The following MAP3K15 variants were observed in gnomAD, a reference collection of about 807,000 sequenced individuals.
The protein encoded by MAP3K15 is mitogen-activated protein kinase kinase kinase 15.
MAP3K15 carries 124 observed loss-of-function variants against 99.5 expected under a neutral mutation model. The observed-to-expected ratio is 1.25, with a 90% CI of 1.08 to 1.45. MAP3K15 has a LOEUF of 1.45. Among genes scored for constraint, MAP3K15 ranks in the 40% most tolerant of loss-of-function variants. The pLI, the probability that MAP3K15 is intolerant of heterozygous loss-of-function variation, is 0.00. For synonymous variants in MAP3K15, 494 were observed against 439.6 expected (o/e 1.12, Z -1.55); for missense variants, 1,242 against 1,079.7 (o/e 1.15, Z -2.11).
chrX:19,368,848 T>C (rs775023024), intron 25 of MAP3K15, among the ~76,000 whole-genome samples: 1 of 110,155 alleles, frequency 9.1e-6, no homozygotes, highest in East Asian at 2.8e-4. Flanking sequence ...TGAGTTTTTT[T>C]TTTTTTTTTT....
chrX:19,373,252 G>A (rs1205544185), intron 21 of MAP3K15: 1 of 287,558 alleles, frequency 3.5e-6, no homozygotes, highest in Non-Finnish European at 5.9e-6. Context: ...AGAGGGGGAA[G>A]AGGAGAGAGG....
chrX:19,381,786 C>T (rs1320823113), intron 18 of MAP3K15, among the ~76,000 whole-genome samples: 4 of 111,757 alleles, frequency 3.6e-5, no homozygotes, highest in Non-Finnish European at 7.5e-5. Flanking sequence ...TCAGCCTGTG[C>T]AAAGGGGACG....
chrX:19,393,676 G>A (rs1326300991), intron 16 of MAP3K15, among the ~76,000 whole-genome samples: 1 of 105,709 alleles, frequency 9.5e-6, no homozygotes, highest in African/African-American at 3.4e-5. Context: ...CGAGTTTTCT[G>A]ATAGACTATG....
At chrX:19,493,402 C>T (rs1354209157) in intron 1 of MAP3K15, among the ~76,000 whole-genome samples, 1 of 109,675 alleles carries the variant, frequency 9.1e-6, no homozygotes, top group Non-Finnish European at 1.9e-5. Flanking sequence ...AAAACTGCCT[C>T]GAATCTAAAG....
chrX:19,424,628 C>A (rs1292244007), intron 9 of MAP3K15, among the ~76,000 whole-genome samples: 2 of 110,366 alleles, frequency 1.8e-5, no homozygotes, highest in Non-Finnish European at 3.8e-5. Context: ...GCCCAGCAAT[C>A]TGTGTTTTCT....
chrX:19,388,270 T>C (rs1362010673), intron 18 of MAP3K15, among the ~76,000 whole-genome samples: 1 of 112,172 alleles, frequency 8.9e-6, no homozygotes, highest in Non-Finnish European at 1.9e-5. Context: ...CCTTTTTAAT[T>C]CCTGAATTCA....
rs1197584402 is a variant in MAP3K15 at position 19,419,023 on chromosome X, G to C, written c.1440-3766C>G. Among the ~76,000 whole-genome samples the C allele has an allele frequency of 9.8e-5, 11 of 111,805 alleles. No homozygotes were observed. The South Asian group carries it at 1.1e-3, about 11-fold the overall frequency. On this transcript the variant is annotated intron_variant, in intron 9 of 28. Coordinates refer to ENST00000338883, the MANE Select transcript of MAP3K15 (RefSeq NM_001001671.4). Reference sequence around the variant, plus strand: ...TCTCACCACCAGGCCTGCCCTAAAAGAGCTCCTGAAGGAAGCACTAAACAT... The same window carrying C: ...TCTCACCACCAGGCCTGCCCTAAAACAGCTCCTGAAGGAAGCACTAAACAT...
At chrX:19,465,323 G>A (rs959063217) in intron 3 of MAP3K15, among the ~76,000 whole-genome samples, 3 of 111,845 alleles carry the variant, frequency 2.7e-5, no homozygotes, top group Non-Finnish European at 3.8e-5. Flanking sequence ...TGTTGTCTTA[G>A]ACAAAGCTTC....
intron 26 of MAP3K15, chrX:19,361,821 C>T: frequency 3.1e-6 from 1 of 324,231 alleles, no homozygotes; most frequent in East Asian, 5.6e-5. Flanking sequence ...TGGAATTTGA[C>T]ATGTTAGGTC....
chrX:19,468,845 T>G (rs915436042), intron 3 of MAP3K15, among the ~76,000 whole-genome samples: 3 of 111,448 alleles, frequency 2.7e-5, no homozygotes, highest in African/African-American at 9.8e-5. Context: ...CCCTTGTAAG[T>G]TGGATTCCTA....
chrX:19,398,760 G>A (rs1331488573), intron 14 of MAP3K15, among the ~76,000 whole-genome samples: 1 of 111,609 alleles, frequency 9.0e-6, no homozygotes, highest in East Asian at 2.8e-4. Flanking sequence ...AACCCAGAAA[G>A]GAATTGAAGG....
At chrX:19,433,780 C>CA (rs2063901770) in intron 6 of MAP3K15, among the ~76,000 whole-genome samples, 1 of 111,934 alleles carries the variant, frequency 8.9e-6, no homozygotes, top group African/African-American at 3.2e-5. Context: ...CCAACGATTC[C>CA]ACTTCTAGAA....
chrX:19,380,817 G>A (rs1407901878), intron 18 of MAP3K15, among the ~76,000 whole-genome samples: 1 of 112,917 alleles, frequency 8.9e-6, no homozygotes, highest in Admixed American at 9.3e-5. Context: ...CACTGCTCCT[G>A]GCCTGACTGC....
intron 6 of MAP3K15, among the ~76,000 whole-genome samples, chrX:19,447,893 A>AAAAAAAAG (rs1201647290): frequency 2.1e-5 from 2 of 94,280 alleles, no homozygotes; most frequent in East Asian, 3.2e-4. Context: ...CAAAAAAAAA[A>AAAAAAAAG]AAAAAAAAAA....
At chrX:19,394,536 A>G (rs1453512101) in intron 16 of MAP3K15, among the ~76,000 whole-genome samples, 1 of 111,459 alleles carries the variant, frequency 9.0e-6, no homozygotes, top group Non-Finnish European at 1.9e-5. Context: ...TAAAACACTG[A>G]TGCTTGATTT....
intron 1 of MAP3K15, among the ~76,000 whole-genome samples, chrX:19,490,192 CAA>C (rs2064359515): frequency 2.0e-5 from 2 of 100,913 alleles, no homozygotes; most frequent in African/African-American, 7.4e-5. Context: ...CACATACATA[CAA>C]AAATTCCTTA....
chrX:19,462,309 A>G (rs1490915268), intron 4 of MAP3K15, among the ~76,000 whole-genome samples: 1 of 111,842 alleles, frequency 8.9e-6, no homozygotes, highest in Non-Finnish European at 1.9e-5. Flanking sequence ...GAAAAATATC[A>G]ATGCATTGCT....
At chrX:19,418,062 C>T (rs1045682752) in intron 9 of MAP3K15, among the ~76,000 whole-genome samples, 1 of 111,333 alleles carries the variant, frequency 9.0e-6, no homozygotes, top group Non-Finnish European at 1.9e-5. Context: ...CATCAAAGAC[C>T]AAAGGTAGAT....
At chrX:19,461,915 C>T (rs1384805783) in intron 4 of MAP3K15, among the ~76,000 whole-genome samples, 1 of 110,027 alleles carries the variant, frequency 9.1e-6, no homozygotes, top group Non-Finnish European at 1.9e-5. Flanking sequence ...CGCTCGAACC[C>T]GGGAGGCAGA....
Sources: allele counts gnomAD v4.1 joint callset (sites outside exome capture counted in the v4.1 genomes callset), GRCh38; gene constraint gnomAD v4.1.1; transcripts MANE v1.5; gene names NCBI Gene and HGNC (gene_info 2026-07-23, HGNC 2026-07-21).